The following NEMP2 variants were observed in gnomAD, a reference collection of about 807,000 sequenced individuals.
NEMP2 encodes the protein nuclear envelope integral membrane protein 2.
NEMP2 carries 53 observed loss-of-function variants against 54.2 expected under a neutral mutation model. The ratio of observed to expected loss-of-function variants is 0.98; its 90% confidence interval spans 0.78 to 1.23. The LOEUF is 1.23. Ranked by LOEUF, NEMP2 falls within the 50% of genes most tolerant of loss-of-function variation. NEMP2 has a pLI of 0.00. For missense variants in NEMP2, 455 were observed against 511.3 expected (o/e 0.89, Z 1.06); for synonymous variants, 197 against 190.3 (o/e 1.04, Z -0.29).
In NEMP2 at chr2:190,512,882, T is replaced by G. The variant is rs1205946716; in HGVS notation, c.953+1571A>C. ...CTGTGCGGGCTCCCTGTCCTGTCAA[T>G]GGTGCAATTTTAACCCTGTGATATT... On this transcript the variant is annotated intron_variant, in intron 7 of 8. Coordinates refer to ENST00000409150, the MANE Select transcript of NEMP2 (RefSeq NM_001142645.2). This position sits in a 1 kb window ranked among gnomAD's most constrained non-coding sequence, Gnocchi z 4.5. Among the ~76,000 whole-genome samples the G allele has an allele frequency of 6.6e-6, 1 of 152,236 alleles. No homozygotes were observed. The highest frequency in any genetic ancestry group is 1.5e-5 in the Non-Finnish European group (1 of 68,042).
the NEMP2 span, among the ~76,000 whole-genome samples, chr2:190,439,139 G>A: frequency 3.3e-5 from 5 of 151,862 alleles, no homozygotes; most frequent in Admixed American, 2.0e-4. This position sits in a 1 kb window ranked among gnomAD's most constrained non-coding sequence, Gnocchi z 5.8. Context: ...TAAATTGACC[G>A]AGATGAATCA....
At chr2:190,575,145 G>A in the NEMP2 span, among the ~76,000 whole-genome samples, 5,526 of 151,892 alleles carry the variant, frequency 0.036, 143 homozygotes, top group Non-Finnish European at 0.054. Context: ...GTGAGCCACC[G>A]TGCCCAGCCG....
At chr2:190,589,514 T>C in the NEMP2 span, among the ~76,000 whole-genome samples, 1 of 152,128 alleles carries the variant, frequency 6.6e-6, no homozygotes, top group African/African-American at 2.4e-5. This position sits in a 1 kb window ranked among gnomAD's most constrained non-coding sequence, Gnocchi z 4.3. Context: ...TTGGTACCTA[T>C]TGCTTTGGGG....
chr2:190,600,673 C>T, the NEMP2 span, among the ~76,000 whole-genome samples: 1 of 152,154 alleles, frequency 6.6e-6, no homozygotes, highest in African/African-American at 2.4e-5. The surrounding 1 kb of genome is among the most constrained non-coding windows in gnomAD (Gnocchi z 4.9). Flanking sequence ...TGCCAGCCCC[C>T]TTTTCACCTT....
chr2:190,531,398 G>A lies in NEMP2; in HGVS notation c.97+3161C>T, dbSNP rs1303372381. 6.6e-6 allele frequency among the ~76,000 whole-genome samples: 1 copy of A among 152,198 alleles called. No homozygotes were observed. Among genetic ancestry groups the A allele is most frequent in the Non-Finnish European group, 1.5e-5 (1 of 68,042 alleles). On this transcript the variant is annotated intron_variant, in intron 1 of 8. Transcript: ENST00000409150. The surrounding 1 kb of genome is among the most constrained non-coding windows in gnomAD (Gnocchi z 4.7). ...TGCCATCCTTACTATGGAAAGACAG[G>A]TTTCTAAGCCTGGAAGGGCATCATT...
At chr2:190,540,704 G>A in the NEMP2 span, among the ~76,000 whole-genome samples, 3 of 152,110 alleles carry the variant, frequency 2.0e-5, no homozygotes, top group South Asian at 4.2e-4. Context: ...TTTGTGTGTG[G>A]GTCCTTATCT....
rs927217466 is a variant in NEMP2, at chr2:190,523,570, T to TA, written c.213+1692dup. ...TGTTTGTACACACATGATGATATGC[T>TA]AGTAGCAATGAACACACCTAATGTT... is the stretch of plus-strand genomic sequence containing the variant. On this transcript the variant is annotated intron_variant, in intron 2 of 8. Transcript: ENST00000409150. The surrounding 1 kb of genome is among the most constrained non-coding windows in gnomAD (Gnocchi z 5.3). Among the ~76,000 whole-genome samples, 2 of 151,738 alleles carry TA rather than the reference T, an allele frequency of 1.3e-5. No individual in the cohort carries two copies. Among genetic ancestry groups the TA allele is most frequent in the Non-Finnish European group, 2.9e-5 (2 of 67,958 alleles).
At chr2:190,431,071 C>T in the NEMP2 span, among the ~76,000 whole-genome samples, 3 of 107,594 alleles carry the variant, frequency 2.8e-5, no homozygotes, top group Admixed American at 1.8e-4. The surrounding 1 kb of genome is among the most constrained non-coding windows in gnomAD (Gnocchi z 4.4). Flanking sequence ...CAGACGGGGT[C>T]GCAGCCGGGC....
the NEMP2 span, among the ~76,000 whole-genome samples, chr2:190,445,764 T>G: frequency 6.6e-6 from 1 of 152,018 alleles, no homozygotes; most frequent in African/African-American, 2.4e-5. Context: ...AGTGCTTCTC[T>G]TTTCATTAGA....
the NEMP2 span, among the ~76,000 whole-genome samples, chr2:190,482,868 CT>C: frequency 1.1e-3 from 52 of 48,258 alleles, no homozygotes; most frequent in African/African-American, 1.5e-3. Context: ...AGACTATCAT[CT>C]TTTTTTTTTT....
the NEMP2 span, among the ~76,000 whole-genome samples, chr2:190,484,436 A>G: frequency 6.1e-3 from 923 of 152,312 alleles, 9 homozygotes; most frequent in African/African-American, 0.021. Context: ...CTAGTTTATA[A>G]TATCTTTTGT....
chr2:190,472,563 G>C, the NEMP2 span, among the ~76,000 whole-genome samples: 4 of 152,160 alleles, frequency 2.6e-5, no homozygotes, highest in Non-Finnish European at 5.9e-5. Context: ...AACGAACAAA[G>C]CCTCCAAGAA....
the NEMP2 span, among the ~76,000 whole-genome samples, chr2:190,557,635 A>C: frequency 6.6e-6 from 1 of 152,172 alleles, no homozygotes; most frequent in South Asian, 2.1e-4. Flanking sequence ...AAGGAAAAAA[A>C]AACAACCCCA....
chr2:190,524,065 A>C (rs1690846379), intron 2 of NEMP2, among the ~76,000 whole-genome samples: 1 of 151,208 alleles, frequency 6.6e-6, no homozygotes, highest in East Asian at 1.9e-4. Context: ...AAAAAAAAAA[A>C]GTCAGATGTG....
the NEMP2 span, among the ~76,000 whole-genome samples, chr2:190,630,966 C>A: frequency 6.6e-6 from 1 of 151,108 alleles, no homozygotes; most frequent in Non-Finnish European, 1.5e-5. This position sits in a 1 kb window ranked among gnomAD's most constrained non-coding sequence, Gnocchi z 5.5. Context: ...AGTTTGGGAC[C>A]AGCCTGGCCA....
chr2:190,608,199 C>G, the NEMP2 span: 1 of 152,162 alleles, frequency 6.6e-6, no homozygotes, highest in African/African-American at 2.4e-5. The surrounding 1 kb of genome is among the most constrained non-coding windows in gnomAD (Gnocchi z 4.9). Flanking sequence ...GTTGCAGTAT[C>G]GCAGTGCTTG....
the NEMP2 span, among the ~76,000 whole-genome samples, chr2:190,427,412 C>T: frequency 0.3 from 45,945 of 151,982 alleles, 7,283 homozygotes; most frequent in African/African-American, 0.39. Flanking sequence ...TGGCTGCAGT[C>T]GAAGTTATTA....
the NEMP2 span, chr2:190,640,870 G>C: frequency 7.3e-6 from 1 of 137,820 alleles, no homozygotes; most frequent in East Asian, 2.2e-4. Flanking sequence ...GATTCTACCT[G>C]AATCAGCATA....
rs909612818 is a variant in NEMP2 at position 190,519,397 on chromosome 2, T to G, written c.214-214A>C. Reference sequence around the variant, plus strand: ...CCACCTGCCCAGCTAATTTTTGTATTTTTTGTAGAGATGAGGTTTCGCCAT... The same window carrying G: ...CCACCTGCCCAGCTAATTTTTGTATGTTTTGTAGAGATGAGGTTTCGCCAT... On this transcript the variant is annotated intron_variant, in intron 2 of 8. Coordinates refer to ENST00000409150, the MANE Select transcript of NEMP2 (RefSeq NM_001142645.2). This position sits in a 1 kb window ranked among gnomAD's most constrained non-coding sequence, Gnocchi z 5.4. 2.6e-5 allele frequency among the ~76,000 whole-genome samples: 4 copies of G among 152,108 alleles called. 1 individual carries two copies. The South Asian group carries it at 6.2e-4, about 24-fold the overall frequency.
Sources: allele counts gnomAD v4.1 joint callset (sites outside exome capture counted in the v4.1 genomes callset), GRCh38; gene constraint gnomAD v4.1.1; non-coding constraint Gnocchi (gnomAD v3.1); transcripts MANE v1.5; gene names NCBI Gene and HGNC (gene_info 2026-07-23, HGNC 2026-07-21).